NIBAN1: variants seen among roughly 807,000 people sequenced by gnomAD.
NIBAN1 encodes protein Niban 1.
A neutral mutation model predicts 75.1 loss-of-function variants in NIBAN1; 81 were observed. The observed-to-expected ratio is 1.08, with a 90% confidence interval of 0.90 to 1.30. The LOEUF is 1.30. NIBAN1 is among the 50% of genes most tolerant of loss of function. NIBAN1 has a pLI of 0.00. For missense variants in NIBAN1, 1,133 were observed against 1,128.1 expected, an observed-to-expected ratio of 1.00 and a Z score of -0.06; for synonymous variants, 436 against 424.8, an observed-to-expected ratio of 1.03 and a Z score of -0.32.
Position 184,795,229 on chromosome 1 carries a change from G to A in NIBAN1, c.2535C>T (p.Thr845=). ...EGDASQQEGC[T]LGSDPICLSE... ...TGAGGCAGATGGGGTCAGAACCTAA[G>A]GTGCAGCCCTCTTGCTGTGAGGCAT... The change falls in exon 14 of 14, where the codon ACC becomes ACT. Residue 845 remains threonine, a synonymous_variant. Transcript: ENST00000367511. The A allele has an allele frequency of 6.2e-7, 1 of 1,613,920 alleles. No individual in the cohort carries two copies. Among genetic ancestry groups the A allele is most frequent in the Middle Eastern group, 1.6e-4 (1 of 6,062 alleles).
At chr1:184,908,121 C>G (rs1657151056) in intron 1 of NIBAN1, among the ~76,000 whole-genome samples, 1 of 152,168 alleles carries the variant, frequency 6.6e-6, no homozygotes, top group Non-Finnish European at 1.5e-5. Flanking sequence ...TCATAGAGGT[C>G]CCAAATTCTG....
chr1:184,947,662 C>G (rs1658264503), intron 1 of NIBAN1, among the ~76,000 whole-genome samples: 3 of 152,172 alleles, frequency 2.0e-5, no homozygotes, highest in African/African-American at 7.2e-5. Flanking sequence ...CTTGTGCTGA[C>G]CAGGGGCCAG....
At position 184,795,264 on chromosome 1, in the gene NIBAN1, C is replaced by A; in HGVS notation, c.2500G>T (p.Glu834Ter). ...TCTTGCTGTGAGGCATCCCCTTCCT[C>A]GGTACACTTGCCCCCTCTTCCTTCA... ...AHEGRGGKCTEEGDASQQEGC... is the reference protein window; with the variant it reads ...AHEGRGGKCT The change falls in exon 14 of 14, where the codon GAG becomes TAG. Residue 834 changes from glutamate to a stop codon, truncating the protein, a stop_gained. Transcript: ENST00000367511. LOFTEE classifies it low-confidence loss of function (END_TRUNC). The A allele has an allele frequency of 6.2e-7, 1 of 1,613,210 alleles. No individual in the cohort carries two copies. The highest frequency in any genetic ancestry group is 8.5e-7 in the Non-Finnish European group (1 of 1,180,042).
chr1:184,817,511 T>C (rs928090969), intron 9 of NIBAN1, among the ~76,000 whole-genome samples: 2 of 152,222 alleles, frequency 1.3e-5, no homozygotes, highest in Non-Finnish European at 2.9e-5. Flanking sequence ...CATTCCTATT[T>C]CTTCACATCC....
At chr1:184,797,790 T>A (rs138120099) in intron 13 of NIBAN1, among the ~76,000 whole-genome samples, 7 of 152,352 alleles carry the variant, frequency 4.6e-5, no homozygotes, top group African/African-American at 1.7e-4. Flanking sequence ...AGCCTCAACT[T>A]TCTCATCTGT....
intron 5 of NIBAN1, among the ~76,000 whole-genome samples, chr1:184,867,365 C>G (rs549214354): frequency 6.6e-6 from 1 of 152,276 alleles, no homozygotes; most frequent in African/African-American, 2.4e-5. Context: ...TAGAAAGATA[C>G]AAACCACCTA....
At chr1:184,816,206 T>C (rs1199374348) in intron 9 of NIBAN1, among the ~76,000 whole-genome samples, 3 of 152,220 alleles carry the variant, frequency 2.0e-5, no homozygotes, top group Non-Finnish European at 4.4e-5. Context: ...TACTCCAAAC[T>C]CTTGATATTA....
At position 184,873,354 on chromosome 1, in the gene NIBAN1, G is replaced by C. The variant is rs560730601; in HGVS notation, c.601+11279C>G. 2.2e-4 allele frequency among the ~76,000 whole-genome samples: 33 copies of C among 152,346 alleles called. 1 individual carries two copies. Among genetic ancestry groups the C allele is most frequent in the Admixed American group, 2.1e-3 (32 of 15,296 alleles). ...AAGGAGATCAGAACATGCCATCTCA[G>C]AATATACTGCATTGGCATATTGATT... On this transcript the variant is annotated intron_variant, in intron 5 of 13. Transcript: ENST00000367511.
chr1:184,954,178 C>A (rs555611695), intron 1 of NIBAN1, among the ~76,000 whole-genome samples: 1 of 152,062 alleles, frequency 6.6e-6, no homozygotes, highest in African/African-American at 2.4e-5. Flanking sequence ...ATGGGGGAAA[C>A]CTTGGACTAT....
At chr1:184,830,731 G>T (rs1654974696) in intron 6 of NIBAN1, among the ~76,000 whole-genome samples, 1 of 152,132 alleles carries the variant, frequency 6.6e-6, no homozygotes, top group African/African-American at 2.4e-5. Context: ...GCCAGGCGTG[G>T]TGGCTCATGC....
At chr1:184,818,941 C>T (rs1654615515) in intron 8 of NIBAN1, 116 bp from the exon 9 acceptor site, 1 of 1,147,960 alleles carries the variant, frequency 8.7e-7, no homozygotes, top group Non-Finnish European at 1.2e-6. Context: ...CCAAGGCAAG[C>T]TCAAGAGGCC....
chr1:184,957,421 A>C (rs1433271405), intron 1 of NIBAN1, among the ~76,000 whole-genome samples: 1 of 152,238 alleles, frequency 6.6e-6, no homozygotes, highest in Non-Finnish European at 1.5e-5. Context: ...ATTAGTACTA[A>C]TTACAACACT....
intron 2 of NIBAN1, among the ~76,000 whole-genome samples, chr1:184,894,967 G>A (rs2101983051): frequency 6.6e-6 from 1 of 152,122 alleles, no homozygotes; most frequent in South Asian, 2.1e-4. Context: ...ATATACAAAT[G>A]GGCCTCTTTT....
At chr1:184,901,415 C>T (rs1474569925) in intron 1 of NIBAN1, among the ~76,000 whole-genome samples, 1 of 152,168 alleles carries the variant, frequency 6.6e-6, no homozygotes, top group Non-Finnish European at 1.5e-5. Context: ...TTATAATCAT[C>T]TAATTGGTTA....
intron 5 of NIBAN1, among the ~76,000 whole-genome samples, chr1:184,844,737 C>T (rs1260513267): frequency 6.6e-6 from 1 of 152,138 alleles, no homozygotes; most frequent in Non-Finnish European, 1.5e-5. Flanking sequence ...ACAATACATC[C>T]CAGCTTCATT....
At chr1:184,826,212 A>G (rs969581184) in intron 6 of NIBAN1, among the ~76,000 whole-genome samples, 1 of 152,188 alleles carries the variant, frequency 6.6e-6, no homozygotes, top group African/African-American at 2.4e-5. Context: ...GCCTGGCGTG[A>G]CAAAAGTTAT....
chr1:184,972,755 C>T (rs935709106), intron 1 of NIBAN1, among the ~76,000 whole-genome samples: 2 of 152,182 alleles, frequency 1.3e-5, no homozygotes, highest in Non-Finnish European at 2.9e-5. Context: ...AAATTAATAG[C>T]ATTTTCTTAT....
chr1:184,901,877 T>A (rs1656965223), intron 1 of NIBAN1, among the ~76,000 whole-genome samples: 1 of 152,190 alleles, frequency 6.6e-6, no homozygotes, highest in African/African-American at 2.4e-5. Flanking sequence ...AAAGAAGCAA[T>A]TGCAGCTTCT....
chr1:184,921,810 G>A (rs1201563561), intron 1 of NIBAN1, among the ~76,000 whole-genome samples: 2 of 152,144 alleles, frequency 1.3e-5, no homozygotes, highest in Admixed American at 1.3e-4. Flanking sequence ...ACATTCAAAT[G>A]GTTCTAATAA....
Sources: gnomAD v4.1 joint callset for allele counts (sites outside exome capture counted in the v4.1 genomes callset) on GRCh38, gnomAD v4.1.1 for gene constraint, MANE v1.5 for transcripts, NCBI Gene and HGNC (gene_info 2026-07-23, HGNC 2026-07-21) for gene names.